C8B: variants seen among roughly 807,000 people sequenced by gnomAD.
The protein encoded by C8B is complement C8 beta chain.
A neutral mutation model predicts 64.6 loss-of-function variants in C8B; 67 were observed. The ratio of observed to expected loss-of-function variants is 1.04; its 90% CI spans 0.85 to 1.27. The LOEUF is 1.27. Ranked by LOEUF, C8B falls within the 50% of genes most tolerant of loss-of-function variation. The pLI is 0.00. For synonymous variants in C8B, 284 were observed against 257.7 expected, an observed-to-expected ratio of 1.10 and a Z score of -0.98; for missense variants, 790 against 725.2, an observed-to-expected ratio of 1.09 and a Z score of -1.03.
chr1:56,942,391 C>T (rs924543525), intron 8 of C8B, among the ~76,000 whole-genome samples: 1 of 152,190 alleles, frequency 6.6e-6, no homozygotes, highest in African/African-American at 2.4e-5. Context: ...GTGTCTATGT[C>T]CCCAGTGCCA....
intron 4 of C8B, 55 bp from the exon 5 acceptor site, chr1:56,952,235 T>C: frequency 6.2e-7 from 1 of 1,610,242 alleles, no homozygotes; most frequent in Non-Finnish European, 8.5e-7. Context: ...TTGCTTAATC[T>C]TGACTGTCAG....
At chr1:56,961,120 G>A (rs530932324) in intron 1 of C8B, among the ~76,000 whole-genome samples, 1 of 152,322 alleles carries the variant, frequency 6.6e-6, no homozygotes, top group East Asian at 1.9e-4. Flanking sequence ...ATGAGTGGAT[G>A]AATGAGGATG....
At chr1:56,943,583 C>T in intron 8 of C8B, 113 bp downstream of exon 8, 4 of 1,236,714 alleles carry the variant, frequency 3.2e-6, no homozygotes, top group South Asian at 1.2e-5. Flanking sequence ...ACATAGTTGG[C>T]CTAGAAGTTG....
chr1:56,938,767 A>G (rs1358021454), intron 9 of C8B, among the ~76,000 whole-genome samples: 2 of 152,154 alleles, frequency 1.3e-5, no homozygotes, highest in Non-Finnish European at 2.9e-5. Context: ...GCATCTAGAA[A>G]TTGCTTGTCT....
intron 8 of C8B, among the ~76,000 whole-genome samples, chr1:56,943,424 A>G (rs1644893341): frequency 6.6e-6 from 1 of 152,248 alleles, no homozygotes; most frequent in African/African-American, 2.4e-5. Flanking sequence ...GAAGTGAACT[A>G]ACTATAGTTA....
intron 6 of C8B, among the ~76,000 whole-genome samples, chr1:56,948,570 G>A (rs904258587): frequency 6.6e-6 from 1 of 152,158 alleles, no homozygotes; most frequent in Non-Finnish European, 1.5e-5. Flanking sequence ...TAGAAGCAGT[G>A]ATGAAGGCTC....
At chr1:56,959,391 T>C in intron 2 of C8B, 1 of 640,674 alleles carries the variant, frequency 1.6e-6, no homozygotes, top group Non-Finnish European at 2.8e-6. Flanking sequence ...TCGAAGCTCA[T>C]AAAAGATTGC....
intron 4 of C8B, among the ~76,000 whole-genome samples, chr1:56,954,371 G>A (rs1645069648): frequency 1.3e-5 from 2 of 152,166 alleles, no homozygotes; most frequent in South Asian, 4.1e-4. Context: ...TGGTCACACT[G>A]CAGGTGTTAA....
rs376468981 is a variant in C8B, at chr1:56,959,295, GC to G, written c.249+724del. On this transcript the variant is annotated intron_variant, in intron 2 of 11. Coordinates refer to ENST00000371237, the MANE Select transcript of C8B (RefSeq NM_000066.4). ...ACATTGAAAATGCAGAATTAAATCA[GC>G]CTTCACAAGTTCACTGTGTATTGAA... Among the ~76,000 whole-genome samples the G allele has an allele frequency of 1.3e-3, 191 of 152,322 alleles. 5 individuals are homozygous for G. The South Asian group carries it at 0.035, about 28-fold the overall frequency.
At chr1:56,954,645 C>T (rs1645075219) in intron 4 of C8B, 41 bp downstream of exon 4, 3 of 1,612,648 alleles carry the variant, frequency 1.9e-6, no homozygotes, top group Non-Finnish European at 2.5e-6. Context: ...CCATTTAATG[C>T]TGTGCCTTCC....
At chr1:56,942,718 T>C (rs1644881730) in intron 8 of C8B, among the ~76,000 whole-genome samples, 2 of 151,414 alleles carry the variant, frequency 1.3e-5, no homozygotes, top group South Asian at 4.2e-4. Flanking sequence ...AAAAGAGAAC[T>C]GGTATAAAAC....
rs1046551156 is a variant in C8B at position 56,929,233 on chromosome 1, T to A, written c.*171A>T. On this transcript the variant is annotated 3_prime_UTR_variant, in exon 12 of 12. Coordinates refer to ENST00000371237, the MANE Select transcript of C8B (RefSeq NM_000066.4). ...GCTTAAGCCTTTAACTCAGTATTTA[T>A]TTAAATCAACTTGCATTTTACAAGG... The A allele has an allele frequency of 2.9e-6, 2 of 695,790 alleles. No homozygotes were observed. Among genetic ancestry groups the A allele is most frequent in the Non-Finnish European group, 5.1e-6 (2 of 391,066 alleles). 43.1% of individuals were successfully genotyped at this position (695,790 alleles called of 1,614,324 possible).
In C8B at chr1:56,956,760, G is replaced by T; in HGVS notation, c.391+9C>A. 6.2e-7 allele frequency: 1 copy of T among 1,613,764 alleles called. No homozygotes were observed. Among genetic ancestry groups the T allele is most frequent in the Non-Finnish European group, 8.5e-7 (1 of 1,179,908 alleles). On this transcript the variant is annotated intron_variant, in intron 3 of 11. Coordinates refer to ENST00000371237, the MANE Select transcript of C8B (RefSeq NM_000066.4). ...GGCTTTCCCCTCTTACTCCTACATT[G>T]ATTTATACCTGTCTGTGCACACACA...
At chr1:56,956,947 G>A in intron 2 of C8B, 37 bp from the exon 3 acceptor site, 1 of 1,613,124 alleles carries the variant, frequency 6.2e-7, no homozygotes, top group Non-Finnish European at 8.5e-7. Flanking sequence ...CAAGGGTAAA[G>A]CCTTAGATCT....
chr1:56,944,898 T>C (rs1247205621), intron 7 of C8B, among the ~76,000 whole-genome samples: 2 of 152,040 alleles, frequency 1.3e-5, no homozygotes, highest in Non-Finnish European at 2.9e-5. Flanking sequence ...ACCCAACAAG[T>C]GCCATGTCAT....
chr1:56,943,659 A>G (rs200667574), intron 8 of C8B, 37 bp downstream of exon 8: 1 of 1,613,246 alleles, frequency 6.2e-7, no homozygotes, highest in Non-Finnish European at 8.5e-7. Context: ...GAGGATAAAC[A>G]TTATAAGTGT....
chr1:56,939,659 A>G (rs953126610), intron 9 of C8B, among the ~76,000 whole-genome samples: 5 of 152,180 alleles, frequency 3.3e-5, no homozygotes, highest in Admixed American at 6.5e-5. Context: ...TCTAACAAAC[A>G]TCTTTTTAGT....
intron 11 of C8B, among the ~76,000 whole-genome samples, chr1:56,929,761 C>G (rs2281598): frequency 0.14 from 20,612 of 152,096 alleles, 1,753 homozygotes; most frequent in East Asian, 0.34. Context: ...GTGCCCAGAA[C>G]ACTCTTCCCT....
intron 9 of C8B, among the ~76,000 whole-genome samples, chr1:56,937,718 C>G (rs530333519): frequency 6.6e-6 from 1 of 152,226 alleles, no homozygotes; most frequent in South Asian, 2.1e-4. Flanking sequence ...TTCGGAGATA[C>G]TTACACTAAA....
Sources: gnomAD v4.1 joint callset for allele counts (sites outside exome capture counted in the v4.1 genomes callset) on GRCh38, gnomAD v4.1.1 for gene constraint, MANE v1.5 for transcripts, NCBI Gene and HGNC (gene_info 2026-07-23, HGNC 2026-07-21) for gene names.